TENM2: variants seen among roughly 807,000 people sequenced by gnomAD.
TENM2 encodes the protein teneurin transmembrane protein 2, also known as teneurin-2.
TENM2 carries 52 observed loss-of-function variants against 245.2 expected under a neutral mutation model. That is an observed-to-expected ratio of 0.21 (90% CI 0.17 to 0.27). The LOEUF is 0.27. Among genes scored for constraint, TENM2 ranks in the 10% least tolerant of loss-of-function variants. The pLI is 1.00. For missense variants in TENM2, 3,046 were observed against 3,666.8 expected (o/e 0.83, Z 4.37); for synonymous variants, 1,363 against 1,438.9 (o/e 0.95, Z 1.19).
chr5:167,076,890 G>A, the TENM2 span, among the ~76,000 whole-genome samples: 1 of 152,148 alleles, frequency 6.6e-6, no homozygotes, highest in Non-Finnish European at 1.5e-5. Context: ...GCCCAGGCTG[G>A]AGTGCAGTGG....
At chr5:167,284,201 A>G (rs55860286), upstream of TENM2, among the ~76,000 whole-genome samples, 21,240 of 152,204 alleles carry the variant, frequency 0.14, 1,977 homozygotes, top group East Asian at 0.26. Context: ...CATGTCGAGA[A>G]CAACTTTTAT....
exon 24 of TENM2, chr5:168,226,221 A>T: frequency 6.2e-7 from 1 of 1,613,574 alleles, no homozygotes; most frequent in Non-Finnish European, 8.5e-7. Context: ...CACTGTCATC[A>T]CCAACCTCTC....
intron 12 of TENM2, among the ~76,000 whole-genome samples, chr5:168,146,427 C>T (rs1244167154): frequency 2.0e-5 from 3 of 152,114 alleles, no homozygotes; most frequent in Admixed American, 1.3e-4. Context: ...CTCAAGCATC[C>T]TCAGGGAAGA....
intron 2 of TENM2, among the ~76,000 whole-genome samples, chr5:167,551,637 CAA>C (rs1772953355): frequency 6.6e-6 from 1 of 152,070 alleles, no homozygotes; most frequent in South Asian, 2.1e-4. Flanking sequence ...CGCACACACA[CAA>C]AAATAAACCC....
At chr5:167,228,894 G>A in the TENM2 span, among the ~76,000 whole-genome samples, 734 of 152,088 alleles carry the variant, frequency 4.8e-3, no homozygotes, top group Non-Finnish European at 7.8e-3. Flanking sequence ...TAGTAGAGAC[G>A]GGGTTTCAAC....
At chr5:168,140,252 C>A (rs1015005196) in intron 12 of TENM2, among the ~76,000 whole-genome samples, 3 of 152,218 alleles carry the variant, frequency 2.0e-5, no homozygotes, top group Non-Finnish European at 4.4e-5. Flanking sequence ...GCCTGTGAAG[C>A]AGGCAGGTAG....
the TENM2 span, among the ~76,000 whole-genome samples, chr5:167,061,351 C>T: frequency 4.6e-5 from 7 of 152,284 alleles, no homozygotes; most frequent in East Asian, 1.4e-3. Context: ...ACACCTTGCT[C>T]AGATCGCACT....
chr5:167,275,384 T>C, the TENM2 span, among the ~76,000 whole-genome samples: 1 of 152,134 alleles, frequency 6.6e-6, no homozygotes, highest in Non-Finnish European at 1.5e-5. Flanking sequence ...CAAACTTATC[T>C]ATATCTACAA....
the TENM2 span, among the ~76,000 whole-genome samples, chr5:167,060,111 A>T: frequency 2.6e-4 from 39 of 152,320 alleles, no homozygotes; most frequent in African/African-American, 9.4e-4. Flanking sequence ...CTTATGTGGC[A>T]CTGCAGCAAT....
At chr5:167,387,202 T>C (rs1761485316) in intron 2 of TENM2, among the ~76,000 whole-genome samples, 1 of 152,184 alleles carries the variant, frequency 6.6e-6, no homozygotes, top group Non-Finnish European at 1.5e-5. Flanking sequence ...TTTGTAGTTT[T>C]CCTTGTAGAG....
chr5:168,018,715 C>T (rs1050072398), intron 5 of TENM2, among the ~76,000 whole-genome samples: 4 of 152,150 alleles, frequency 2.6e-5, no homozygotes, highest in African/African-American at 9.7e-5. Flanking sequence ...AATTTTAAGA[C>T]ACATTCTTAT....
At chr5:167,715,642 G>A (rs890100605) in intron 2 of TENM2, among the ~76,000 whole-genome samples, 2 of 152,070 alleles carry the variant, frequency 1.3e-5, no homozygotes, top group South Asian at 2.1e-4. Context: ...TTGCTCAATC[G>A]GTTTCATATA....
chr5:168,034,850 A>C (rs1787520870), intron 5 of TENM2, among the ~76,000 whole-genome samples: 1 of 152,218 alleles, frequency 6.6e-6, no homozygotes, highest in African/African-American at 2.4e-5. Flanking sequence ...GCTTAGAAAA[A>C]TCCTGTCAGC....
chr5:167,099,525 G>A, the TENM2 span, among the ~76,000 whole-genome samples: 6 of 152,076 alleles, frequency 3.9e-5, no homozygotes, highest in African/African-American at 9.7e-5. Context: ...GTGAAACCCT[G>A]TCTCTACTAA....
chr5:167,978,252 C>T (rs1782585300), intron 4 of TENM2, among the ~76,000 whole-genome samples: 2 of 152,228 alleles, frequency 1.3e-5, no homozygotes, highest in South Asian at 4.1e-4. Context: ...TATGATGCAG[C>T]AATTCCTCTC....
At chr5:167,971,216 A>AAG (rs1781752022) in intron 4 of TENM2, among the ~76,000 whole-genome samples, 1 of 150,240 alleles carries the variant, frequency 6.7e-6, no homozygotes, top group Admixed American at 6.7e-5. Context: ...GATAGAGATA[A>AAG]AGAGAGAGAG....
At chr5:167,409,473 TGTTAA>T (rs1422951849) in intron 2 of TENM2, among the ~76,000 whole-genome samples, 3 of 152,140 alleles carry the variant, frequency 2.0e-5, no homozygotes, top group Non-Finnish European at 4.4e-5. Context: ...ATTCATCTAT[TGTTAA>T]GTTAATAAGC....
intron 4 of TENM2, among the ~76,000 whole-genome samples, chr5:167,992,709 A>C (rs1337456381): frequency 6.6e-6 from 1 of 152,202 alleles, no homozygotes; most frequent in East Asian, 1.9e-4. Flanking sequence ...AATGCTTTGC[A>C]GGTTGTTGTG....
chr5:167,143,059 A>C, the TENM2 span, among the ~76,000 whole-genome samples: 1 of 152,258 alleles, frequency 6.6e-6, no homozygotes, highest in African/African-American at 2.4e-5. Flanking sequence ...CCACATAAGT[A>C]TTGCCCACAC....
Sources: allele counts gnomAD v4.1 joint callset (sites outside exome capture counted in the v4.1 genomes callset), GRCh38; gene constraint gnomAD v4.1.1; transcripts MANE v1.5; gene names NCBI Gene and HGNC (gene_info 2026-07-23, HGNC 2026-07-21).